Variants in KIAA0319L observed in about 807,000 individuals in gnomAD.
KIAA0319L encodes the protein dyslexia-associated protein KIAA0319-like protein.
A neutral mutation model predicts 120.1 loss-of-function variants in KIAA0319L; 55 were observed. The observed-to-expected ratio is 0.46, with a 90% CI of 0.37 to 0.57. The LOEUF (loss-of-function observed/expected upper bound fraction) is 0.57, where lower values mean the gene tolerates loss of function less well. KIAA0319L is among the 20% of genes least tolerant of loss of function. KIAA0319L has a pLI of 0.00. For synonymous variants in KIAA0319L, 398 were observed against 471.9 expected (o/e 0.84, Z 2.03); for missense variants, 1,049 against 1,255.3 (o/e 0.84, Z 2.48).
chr1:35,501,989 A>G (rs1472706395), intron 3 of KIAA0319L, among the ~76,000 whole-genome samples: 4 of 151,806 alleles, frequency 2.6e-5, no homozygotes, highest in Non-Finnish European at 5.9e-5. Context: ...CATTTATAAA[A>G]CAGGAACGGG....
In KIAA0319L at chr1:35,460,446, T is replaced by G; in HGVS notation, c.1295-9A>C. 1 of 1,611,050 alleles carries G rather than the reference T, an allele frequency of 6.2e-7. No homozygotes were observed. The highest frequency in any genetic ancestry group is 8.5e-7 in the Non-Finnish European group (1 of 1,178,942). ...ATCATCATCAGTGCTTTCTTGACCA[T>G]AAAGAAACATCAGTTACAACATGAG... On this transcript the variant is annotated splice_polypyrimidine_tract_variant and intron_variant, in intron 8 of 20. Transcript: ENST00000325722.
At chr1:35,505,541 A>C (rs140674587) in intron 3 of KIAA0319L, among the ~76,000 whole-genome samples, 16 of 152,350 alleles carry the variant, frequency 1.1e-4, no homozygotes, top group Admixed American at 5.2e-4. Context: ...TTCATGTATC[A>C]GTCTCCACTA....
intron 2 of KIAA0319L, among the ~76,000 whole-genome samples, chr1:35,508,183 G>A (rs1002349943): frequency 6.6e-6 from 1 of 152,198 alleles, no homozygotes; most frequent in African/African-American, 2.4e-5. Flanking sequence ...CCAGCAAAGG[G>A]TTGGCTCACA....
intron 5 of KIAA0319L, among the ~76,000 whole-genome samples, chr1:35,474,042 A>G (rs1204550030): frequency 1.3e-5 from 2 of 152,248 alleles, no homozygotes; most frequent in Non-Finnish European, 2.9e-5. Flanking sequence ...CATACTTTAT[A>G]TATTTTATAA....
At chr1:35,515,089 G>A (rs1048800193) in intron 2 of KIAA0319L, among the ~76,000 whole-genome samples, 4 of 152,120 alleles carry the variant, frequency 2.6e-5, no homozygotes, top group Admixed American at 6.6e-5. Context: ...GAGGCAGGTG[G>A]ATCACTTGAG....
chr1:35,537,952 A>C (rs1364484640), intron 2 of KIAA0319L, among the ~76,000 whole-genome samples: 1 of 152,226 alleles, frequency 6.6e-6, no homozygotes, highest in Non-Finnish European at 1.5e-5. Context: ...AAAAGTGAAA[A>C]GAGCTCTGTG....
intron 2 of KIAA0319L, among the ~76,000 whole-genome samples, chr1:35,545,144 C>T (rs1389695376): frequency 6.6e-6 from 1 of 152,078 alleles, no homozygotes; most frequent in African/African-American, 2.4e-5. Context: ...GGCAAGACCA[C>T]ATGATGTTTA....
rs1642271160 is a variant in KIAA0319L at position 35,454,213 on chromosome 1, AG to A, written c.1780+148del. 1.1e-5 allele frequency: 8 copies of A among 715,596 alleles called. No individual in the cohort carries two copies. In the South Asian group the frequency reaches 1.7e-4, roughly 16 times the overall value. The allele number at this position is 715,596 out of a possible 1,614,324, so 44.3% of individuals were successfully genotyped here. Reference sequence around the variant, plus strand: ...CATCTCTAGCTATGAAGAAAGCACAAGGGGAAGGAACAATAGAAGTCACCAG... The same window carrying A: ...CATCTCTAGCTATGAAGAAAGCACAAGGGAAGGAACAATAGAAGTCACCAG... On this transcript the variant is annotated intron_variant, in intron 11 of 20. Transcript: ENST00000325722.
chr1:35,541,550 A>C (rs1461742818), intron 2 of KIAA0319L, among the ~76,000 whole-genome samples: 5 of 151,974 alleles, frequency 3.3e-5, no homozygotes, highest in Non-Finnish European at 5.9e-5. Flanking sequence ...GGGTTTCACC[A>C]TGTTGGCCAG....
At chr1:35,456,545 C>T (rs1485526425) in intron 9 of KIAA0319L, among the ~76,000 whole-genome samples, 1 of 151,898 alleles carries the variant, frequency 6.6e-6, no homozygotes, top group South Asian at 2.1e-4. Flanking sequence ...GGTGCGTTGG[C>T]ACACACCTGT....
chr1:35,479,600 A>G (rs1644059323), intron 3 of KIAA0319L, among the ~76,000 whole-genome samples: 1 of 152,168 alleles, frequency 6.6e-6, no homozygotes, highest in South Asian at 2.1e-4. Context: ...TGAAAGCATA[A>G]TAAGCCAAAA....
At position 35,453,339 on chromosome 1, in the gene KIAA0319L, T is replaced by C. The variant is rs955704584; in HGVS notation, c.1913+218A>G. ...AGCACCAGGATCACACAGTACTACC[T>C]GGGGACTAGTTGATGGCAAGCATTC... On this transcript the variant is annotated intron_variant, in intron 12 of 20. Transcript: ENST00000325722. The surrounding 1 kb of genome is among the most constrained non-coding windows in gnomAD (Gnocchi z 4.1). Among the ~76,000 whole-genome samples, 14 of 152,194 alleles carry C rather than the reference T, an allele frequency of 9.2e-5. No homozygotes were observed. Among genetic ancestry groups the C allele is most frequent in the African/African-American group, 3.4e-4 (14 of 41,436 alleles).
intron 15 of KIAA0319L, among the ~76,000 whole-genome samples, chr1:35,449,290 GCCTC>G (rs1641871904): frequency 6.6e-6 from 1 of 152,164 alleles, no homozygotes; most frequent in Admixed American, 6.5e-5. Flanking sequence ...CATACTCAGT[GCCTC>G]CCTATCACCA....
At chr1:35,476,020 T>A (rs1429700878) in intron 4 of KIAA0319L, among the ~76,000 whole-genome samples, 1 of 152,240 alleles carries the variant, frequency 6.6e-6, no homozygotes, top group Non-Finnish European at 1.5e-5. Flanking sequence ...GTCTGTCTCC[T>A]CTCCAAGAAA....
At chr1:35,548,691 T>G (rs754431616) in intron 2 of KIAA0319L, among the ~76,000 whole-genome samples, 8 of 152,086 alleles carry the variant, frequency 5.3e-5, no homozygotes, top group Non-Finnish European at 7.4e-5. Context: ...TTATAGACCA[T>G]CTACCTAAAA....
intron 7 of KIAA0319L, 70 bp from the exon 8 acceptor site, chr1:35,462,783 G>A (rs1642988165): frequency 2.4e-6 from 3 of 1,227,744 alleles, no homozygotes; most frequent in Admixed American, 3.5e-5. Context: ...CTGTATCTGA[G>A]AGGATTATAA....
intron 7 of KIAA0319L, among the ~76,000 whole-genome samples, chr1:35,466,102 C>T (rs1327636347): frequency 6.6e-6 from 1 of 152,186 alleles, no homozygotes; most frequent in Non-Finnish European, 1.5e-5. Context: ...AAGATTCCTT[C>T]CTACTGCACT....
At chr1:35,486,294 G>T (rs1644381538) in intron 3 of KIAA0319L, among the ~76,000 whole-genome samples, 1 of 150,530 alleles carries the variant, frequency 6.6e-6, no homozygotes, top group Non-Finnish European at 1.5e-5. Flanking sequence ...TGAGGTGGGA[G>T]GATGGCTCAT....
chr1:35,526,480 T>G (rs915582298), intron 2 of KIAA0319L, among the ~76,000 whole-genome samples: 11 of 148,884 alleles, frequency 7.4e-5, no homozygotes, highest in Non-Finnish European at 1.2e-4. Context: ...GGATCTCGCT[T>G]TGTTGCCCAG....
Sources: allele counts gnomAD v4.1 joint callset (sites outside exome capture counted in the v4.1 genomes callset), GRCh38; gene constraint gnomAD v4.1.1; non-coding constraint Gnocchi (gnomAD v3.1); transcripts MANE v1.5; gene names NCBI Gene and HGNC (gene_info 2026-07-23, HGNC 2026-07-21).